FER: variants seen among roughly 807,000 people sequenced by gnomAD.
FER encodes FER tyrosine kinase, also known as tyrosine-protein kinase Fer.
FER carries 63 observed loss-of-function variants against 111.0 expected under a neutral mutation model. The ratio of observed to expected loss-of-function variants is 0.57; its 90% CI spans 0.46 to 0.70. The LOEUF (loss-of-function observed/expected upper bound fraction) is 0.70. FER is among the 30% of genes least tolerant of loss of function. FER has a pLI of 0.00. For missense variants in FER, 914 were observed against 954.0 expected, an observed-to-expected ratio of 0.96 and a Z score of 0.55; for synonymous variants, 327 against 313.9, an observed-to-expected ratio of 1.04 and a Z score of -0.44.
chr5:109,113,686 C>CAT (rs1455996138), intron 17 of FER, among the ~76,000 whole-genome samples: 4 of 152,106 alleles, frequency 2.6e-5, no homozygotes, highest in African/African-American at 9.7e-5. Context: ...CCTTGCCTAG[C>CAT]ACTATGCCTG....
At chr5:109,004,016 C>CT (rs142897780) in intron 13 of FER, among the ~76,000 whole-genome samples, 1,705 of 151,602 alleles carry the variant, frequency 0.011, 38 homozygotes, top group African/African-American at 0.039. Context: ...ATTGTACAAT[C>CT]TTTTTTTTTG....
At chr5:109,117,882 T>A (rs980024561) in intron 17 of FER, among the ~76,000 whole-genome samples, 7 of 152,032 alleles carry the variant, frequency 4.6e-5, no homozygotes, top group African/African-American at 1.7e-4. Context: ...TTGCTGAAGT[T>A]GCCTATCAGC....
chr5:108,929,302 A>AT (rs1167806037), intron 10 of FER, among the ~76,000 whole-genome samples: 1 of 152,180 alleles, frequency 6.6e-6, no homozygotes, highest in Non-Finnish European at 1.5e-5. Flanking sequence ...ACAAAAATAG[A>AT]TTCCTCTGTT....
intron 8 of FER, 49 bp downstream of exon 8, chr5:108,872,261 C>A (rs777941649): frequency 2.0e-6 from 3 of 1,494,608 alleles, no homozygotes; most frequent in Non-Finnish European, 2.7e-6. Context: ...ATTATTATTG[C>A]TTTATTGTTG....
intron 18 of FER, among the ~76,000 whole-genome samples, chr5:109,184,276 GAGC>G (rs1758616459): frequency 6.6e-6 from 1 of 152,172 alleles, no homozygotes; most frequent in Non-Finnish European, 1.5e-5. Context: ...AATTTTTAGT[GAGC>G]AGGTTTCCCA....
rs1380201115 is a variant in FER at position 108,871,519 on chromosome 5, C to T, written c.803+17C>T. ...TGTTCACAGGTATGACATGTTTATT[C>T]CTCTTTAAGGATTTATGACAGTATT... is the stretch of plus-strand genomic sequence containing the variant. On this transcript the variant is annotated intron_variant, in intron 7 of 19. Transcript: ENST00000281092. The T allele has an allele frequency of 1.9e-6, 3 of 1,567,960 alleles. No homozygotes were observed. The African/African-American group carries it at 4.1e-5, about 21-fold the overall frequency.
intron 17 of FER, among the ~76,000 whole-genome samples, chr5:109,133,688 C>A (rs1752598869): frequency 6.6e-6 from 1 of 152,042 alleles, no homozygotes; most frequent in South Asian, 2.1e-4. Context: ...GTATCTTCTC[C>A]ATTTATGTGA....
intron 17 of FER, among the ~76,000 whole-genome samples, chr5:109,110,534 G>A (rs1749482088): frequency 6.6e-6 from 1 of 152,124 alleles, no homozygotes; most frequent in African/African-American, 2.4e-5. Context: ...TAAAGTTCTT[G>A]TAAGCCATTG....
At chr5:109,050,622 AAGTGATGGT>A (rs1456139120) in intron 16 of FER, among the ~76,000 whole-genome samples, 2 of 152,240 alleles carry the variant, frequency 1.3e-5, no homozygotes, top group Non-Finnish European at 2.9e-5. Context: ...AATGATGAAA[AAGTGATGGT>A]AATGATATGG....
At chr5:109,001,282 AC>A (rs1294518502) in intron 13 of FER, among the ~76,000 whole-genome samples, 2 of 152,330 alleles carry the variant, frequency 1.3e-5, no homozygotes, top group Admixed American at 6.5e-5. Flanking sequence ...AAGCTTATCC[AC>A]CATGATCAAG....
chr5:108,756,571 A>G (rs1021171320), intron 1 of FER, among the ~76,000 whole-genome samples: 2 of 152,102 alleles, frequency 1.3e-5, no homozygotes, highest in African/African-American at 4.8e-5. Flanking sequence ...GTTGTTTCAG[A>G]TAATTATTAA....
At position 108,959,139 on chromosome 5, in the gene FER, T is replaced by A. The variant is rs60264569; in HGVS notation, c.1534-86T>A. 1.5e-3 allele frequency: 2,073 copies of A among 1,407,704 alleles called. 29 individuals carry two copies. In the African/African-American group the frequency reaches 0.026, roughly 18 times the overall value. 87.2% of individuals were successfully genotyped at this position (1,407,704 alleles called of 1,614,324 possible). A position where few individuals can be genotyped will look rare whatever the true frequency, so the allele number is the denominator to read the frequency against. ...CATTGTTGTGCAATTATAGTTTTTT[T>A]AAGAAAGGAATCTAATTTATCAATG... On this transcript the variant is annotated intron_variant, in intron 12 of 19. Coordinates refer to ENST00000281092, the MANE Select transcript of FER (RefSeq NM_005246.4).
intron 10 of FER, among the ~76,000 whole-genome samples, chr5:108,914,220 A>C (rs1340091069): frequency 1.4e-5 from 2 of 146,906 alleles, no homozygotes; most frequent in Non-Finnish European, 3.0e-5. Flanking sequence ...AAGCATGCTT[A>C]ACTTGTCTCT....
chr5:109,051,376 T>C, intron 16 of FER: 2 of 1,612,022 alleles, frequency 1.2e-6, no homozygotes, highest in Non-Finnish European at 8.5e-7. Context: ...GCTTGAAGGT[T>C]GCTGGTCCAC....
At chr5:108,973,208 C>G (rs1163271545) in intron 13 of FER, among the ~76,000 whole-genome samples, 4 of 152,126 alleles carry the variant, frequency 2.6e-5, no homozygotes, top group African/African-American at 9.6e-5. Flanking sequence ...CTTGTTTTCA[C>G]TTTAAAAAAC....
chr5:108,932,160 A>G (rs1230598472), intron 10 of FER, among the ~76,000 whole-genome samples: 1 of 152,000 alleles, frequency 6.6e-6, no homozygotes, highest in African/African-American at 2.4e-5. Context: ...TCCTAATGCT[A>G]TCCCTCACCT....
intron 3 of FER, among the ~76,000 whole-genome samples, chr5:108,826,243 C>T (rs367983952): frequency 2.0e-5 from 3 of 152,058 alleles, no homozygotes; most frequent in Non-Finnish European, 4.4e-5. Context: ...ATTATTGATT[C>T]GTGTATGTTG....
chr5:109,090,062 C>T (rs1239975843), intron 16 of FER, among the ~76,000 whole-genome samples: 1 of 152,148 alleles, frequency 6.6e-6, no homozygotes, highest in Non-Finnish European at 1.5e-5. Flanking sequence ...TTTTGGAGGT[C>T]TGTCTGAAGG....
At chr5:108,832,502 G>T (rs1044300217) in intron 3 of FER, among the ~76,000 whole-genome samples, 1 of 152,144 alleles carries the variant, frequency 6.6e-6, no homozygotes, top group African/African-American at 2.4e-5. Context: ...AATGAAGACT[G>T]CAAGTGTGGA....
Sources: allele counts gnomAD v4.1 joint callset (sites outside exome capture counted in the v4.1 genomes callset), GRCh38; gene constraint gnomAD v4.1.1; transcripts MANE v1.5; gene names NCBI Gene and HGNC (gene_info 2026-07-23, HGNC 2026-07-21).